The following ACOXL variants were observed in gnomAD, a reference collection of about 807,000 sequenced individuals.
ACOXL encodes the protein acyl-CoA oxidase like.
A neutral mutation model predicts 71.9 loss-of-function variants in ACOXL; 70 were observed. That is an observed-to-expected ratio of 0.97 (90% CI 0.80 to 1.19). ACOXL has a LOEUF of 1.19. Ranked by LOEUF, ACOXL falls within the 50% of genes most tolerant of loss-of-function variation. ACOXL has a pLI of 0.00. For missense variants in ACOXL, 703 were observed against 736.3 expected, an observed-to-expected ratio of 0.95 and a Z score of 0.52; for synonymous variants, 253 against 281.6, an observed-to-expected ratio of 0.90 and a Z score of 1.02.
intron 2 of ACOXL, among the ~76,000 whole-genome samples, chr2:110,773,805 C>A (rs953743834): frequency 6.6e-6 from 1 of 152,236 alleles, no homozygotes; most frequent in African/African-American, 2.4e-5. Context: ...GTCAGGCCAG[C>A]CCTGGCCGCC....
At chr2:110,790,958 T>G (rs1445964580) in intron 3 of ACOXL, among the ~76,000 whole-genome samples, 1 of 152,216 alleles carries the variant, frequency 6.6e-6, no homozygotes, top group Non-Finnish European at 1.5e-5. Flanking sequence ...CAACTCTGTC[T>G]CCAGAATCTA....
At chr2:111,016,539 G>A (rs4849340) in intron 14 of ACOXL, 136,809 of 152,290 alleles carry the variant, frequency 0.9, 61,707 homozygotes, top group African/African-American at 0.97. Flanking sequence ...GAAAATGGAA[G>A]TTTAGAAATC....
intron 1 of ACOXL, among the ~76,000 whole-genome samples, chr2:110,758,890 A>G (rs780459293): frequency 1.3e-5 from 2 of 152,146 alleles, no homozygotes; most frequent in Non-Finnish European, 1.5e-5. Flanking sequence ...TGTTCTCATT[A>G]GTTTCAAAGA....
intron 14 of ACOXL, among the ~76,000 whole-genome samples, chr2:111,015,955 C>T (rs72836304): frequency 0.042 from 6,324 of 152,146 alleles, 232 homozygotes; most frequent in East Asian, 0.19. Flanking sequence ...GTTTTAGAGA[C>T]GGGATCTTAC....
At chr2:110,879,753 C>T (rs17041606) in intron 10 of ACOXL, among the ~76,000 whole-genome samples, 3,545 of 151,954 alleles carry the variant, frequency 0.023, 85 homozygotes, top group Middle Eastern at 0.055. Context: ...GAGGTTCCAC[C>T]GGGTTAAATA....
At position 110,979,888 on chromosome 2, in the gene ACOXL, A is replaced by T. The variant is rs147839164; in HGVS notation, c.1060-7220A>T. On this transcript the variant is annotated intron_variant, in intron 12 of 17. Transcript: ENST00000439055. ...GGAACATTGGTTCAGGCTTTGCAGA[A>T]ATTCTGAGTTTTCAACAGAAGGTAA... 6.8e-4 allele frequency among the ~76,000 whole-genome samples: 103 copies of T among 152,280 alleles called. 1 individual carries two copies. The South Asian group carries it at 0.019, about 28-fold the overall frequency.
chr2:110,905,722 T>G (rs2059416610), intron 10 of ACOXL, among the ~76,000 whole-genome samples: 1 of 152,148 alleles, frequency 6.6e-6, no homozygotes, highest in South Asian at 2.1e-4. Context: ...CCTGGAGGGT[T>G]GGGCTTCTGA....
intron 10 of ACOXL, among the ~76,000 whole-genome samples, chr2:110,865,849 A>G (rs1417290455): frequency 6.6e-6 from 1 of 151,336 alleles, no homozygotes; most frequent in Non-Finnish European, 1.5e-5. Context: ...TTTTTTTCCT[A>G]CAAAACTAAA....
At chr2:111,039,464 A>G (rs561266507) in intron 15 of ACOXL, among the ~76,000 whole-genome samples, 33 of 152,158 alleles carry the variant, frequency 2.2e-4, no homozygotes, top group African/African-American at 7.9e-4. Context: ...ACAAGTTTTG[A>G]TATCTACTTA....
At chr2:110,986,210 T>C (rs1335482199) in intron 12 of ACOXL, among the ~76,000 whole-genome samples, 1 of 152,238 alleles carries the variant, frequency 6.6e-6, no homozygotes, top group Non-Finnish European at 1.5e-5. Flanking sequence ...TATGATATAT[T>C]GTTGAGTTAA....
At chr2:111,043,182 G>A (rs1455176592) in intron 15 of ACOXL, among the ~76,000 whole-genome samples, 1 of 152,172 alleles carries the variant, frequency 6.6e-6, no homozygotes, top group East Asian at 1.9e-4. Context: ...AGGGCAGGCT[G>A]GGGGACAGTG....
intron 1 of ACOXL, among the ~76,000 whole-genome samples, chr2:110,767,632 A>T (rs73956438): frequency 0.012 from 1,861 of 152,218 alleles, 43 homozygotes; most frequent in African/African-American, 0.043. Context: ...GAAGCAGGTA[A>T]TCTCGAAGGC....
chr2:110,856,876 G>A (rs1156797434), intron 10 of ACOXL, among the ~76,000 whole-genome samples: 1 of 152,216 alleles, frequency 6.6e-6, no homozygotes, highest in Non-Finnish European at 1.5e-5. Flanking sequence ...CCCAACTCTT[G>A]TATGGGATTC....
chr2:110,866,522 A>G (rs1573904334), intron 10 of ACOXL, among the ~76,000 whole-genome samples: 1 of 152,088 alleles, frequency 6.6e-6, no homozygotes, highest in Non-Finnish European at 1.5e-5. Context: ...TATTTGAATC[A>G]GGAAGATCAG....
intron 9 of ACOXL, among the ~76,000 whole-genome samples, chr2:110,837,011 C>G (rs1310459517): frequency 6.6e-6 from 1 of 152,152 alleles, no homozygotes; most frequent in Non-Finnish European, 1.5e-5. Context: ...AATAAAAAAC[C>G]CCATTATCCA....
chr2:110,930,187 G>A (rs112471998), intron 11 of ACOXL, among the ~76,000 whole-genome samples: 6,252 of 152,318 alleles, frequency 0.041, 223 homozygotes, highest in African/African-American at 0.084. Flanking sequence ...CAGGGGAGCA[G>A]AGCTGCCCAA....
At chr2:110,805,199 T>C in intron 8 of ACOXL, 64 bp from the exon 9 acceptor site, 1 of 1,596,716 alleles carries the variant, frequency 6.3e-7, no homozygotes, top group East Asian at 2.2e-5. Context: ...GGGAGCCACC[T>C]GACTTCGTTT....
intron 1 of ACOXL, among the ~76,000 whole-genome samples, chr2:110,739,491 C>T (rs1677247280): frequency 6.6e-6 from 1 of 152,218 alleles, no homozygotes; most frequent in Admixed American, 6.5e-5. Flanking sequence ...ATGCCATCTT[C>T]TGGGAAATGG....
chr2:110,859,743 C>T (rs911422553), intron 10 of ACOXL, among the ~76,000 whole-genome samples: 2 of 152,212 alleles, frequency 1.3e-5, no homozygotes, highest in African/African-American at 2.4e-5. Flanking sequence ...TCTTTGCTCA[C>T]CAGGCGCTTG....
Sources: allele counts gnomAD v4.1 joint callset (sites outside exome capture counted in the v4.1 genomes callset), GRCh38; gene constraint gnomAD v4.1.1; transcripts MANE v1.5; gene names NCBI Gene and HGNC (gene_info 2026-07-23, HGNC 2026-07-21).